Variants in NALCN observed in about 807,000 individuals in gnomAD.
NALCN encodes sodium leak channel NALCN.
NALCN carries 111 observed loss-of-function variants against 225.3 expected under a neutral mutation model. The observed-to-expected ratio is 0.49, with a 90% confidence interval of 0.42 to 0.58. The LOEUF (loss-of-function observed/expected upper bound fraction) is 0.58. NALCN is among the 20% of genes least tolerant of loss of function. The pLI is 0.00. For missense variants in NALCN, 1,378 were observed against 2,202.4 expected (o/e 0.63, Z 7.49); for synonymous variants, 764 against 769.0 (o/e 0.99, Z 0.11).
intron 26 of NALCN, among the ~76,000 whole-genome samples, chr13:101,101,810 T>C (rs9518307): frequency 0.065 from 9,920 of 152,228 alleles, 355 homozygotes; most frequent in South Asian, 0.11. Flanking sequence ...TGAACTGCAC[T>C]GGTTGAATAA....
intron 15 of NALCN, among the ~76,000 whole-genome samples, chr13:101,149,740 T>A (rs552336492): frequency 6.6e-6 from 1 of 152,238 alleles, no homozygotes; most frequent in African/African-American, 2.4e-5. Flanking sequence ...GCTTGAAGGG[T>A]GAGTATTTTG....
At chr13:101,213,993 C>A (rs557082961) in intron 13 of NALCN, among the ~76,000 whole-genome samples, 1 of 152,116 alleles carries the variant, frequency 6.6e-6, no homozygotes, top group African/African-American at 2.4e-5. Flanking sequence ...CACATGCACA[C>A]GTATGTTTAT....
At chr13:101,109,808 T>C (rs567220484) in intron 20 of NALCN, among the ~76,000 whole-genome samples, 2 of 152,314 alleles carry the variant, frequency 1.3e-5, no homozygotes, top group East Asian at 3.9e-4. Context: ...TCCGGGATAA[T>C]GCAGATGGGT....
At chr13:101,317,569 T>C (rs2044595395) in intron 7 of NALCN, among the ~76,000 whole-genome samples, 1 of 152,210 alleles carries the variant, frequency 6.6e-6, no homozygotes. Context: ...GTGATCCACC[T>C]GATCTGGTCA....
chr13:101,353,642 T>C (rs74686866), intron 6 of NALCN, among the ~76,000 whole-genome samples: 4,908 of 152,270 alleles, frequency 0.032, 268 homozygotes, highest in African/African-American at 0.11. Flanking sequence ...CACACCTCTT[T>C]TAATAAACAA....
intron 13 of NALCN, among the ~76,000 whole-genome samples, chr13:101,205,777 A>C (rs1288865839): frequency 1.3e-5 from 2 of 152,118 alleles, no homozygotes; most frequent in East Asian, 3.8e-4. Flanking sequence ...ATGTGCTATA[A>C]AATTGTACAT....
chr13:101,232,606 C>T (rs568283449), intron 12 of NALCN, among the ~76,000 whole-genome samples: 1 of 151,930 alleles, frequency 6.6e-6, no homozygotes, highest in South Asian at 2.1e-4. Context: ...CCACCACACC[C>T]AGCTAATTTT....
At chr13:101,215,424 T>C (rs2040691634) in intron 13 of NALCN, among the ~76,000 whole-genome samples, 1 of 152,160 alleles carries the variant, frequency 6.6e-6, no homozygotes, top group South Asian at 2.1e-4. Flanking sequence ...AACACTCATT[T>C]GTTACTTCAC....
chr13:101,397,438 T>C (rs2047342211), intron 2 of NALCN, among the ~76,000 whole-genome samples: 1 of 150,960 alleles, frequency 6.6e-6, no homozygotes, highest in African/African-American at 2.4e-5. Context: ...ACATGTTATA[T>C]GCATGCACAT....
chr13:101,161,715 T>C lies in NALCN; in HGVS notation c.1839+14585A>G, dbSNP rs552965281. ...GGTGAAACCCCGTCTCTTCTAAAAA[T>C]ATAAAAATTAGCCAGGAGTGGTGGC... On this transcript the variant is annotated intron_variant, in intron 15 of 43. Coordinates refer to ENST00000251127, the MANE Select transcript of NALCN (RefSeq NM_052867.4). Among the ~76,000 whole-genome samples the C allele has an allele frequency of 9.9e-5, 15 of 152,160 alleles. No individual in the cohort carries two copies. The South Asian group carries it at 1.0e-3, about 11-fold the overall frequency.
intron 11 of NALCN, among the ~76,000 whole-genome samples, chr13:101,254,890 CA>C (rs149258180): frequency 0.012 from 443 of 38,474 alleles, 3 homozygotes; most frequent in African/African-American, 0.038. Context: ...GACTCTGTCT[CA>C]AAAAAAAAAA....
intron 1 of NALCN, among the ~76,000 whole-genome samples, chr13:101,415,466 T>C (rs762673359): frequency 6.6e-6 from 1 of 152,070 alleles, no homozygotes; most frequent in Non-Finnish European, 1.5e-5. Flanking sequence ...TACCTGAAAC[T>C]GAAAGATTTA....
intron 6 of NALCN, among the ~76,000 whole-genome samples, chr13:101,355,669 G>C (rs186626637): frequency 6.6e-6 from 1 of 152,232 alleles, no homozygotes; most frequent in East Asian, 1.9e-4. Flanking sequence ...GGATATTCAG[G>C]ACTTGAACTC....
At chr13:101,287,503 T>C (rs996259521) in intron 9 of NALCN, among the ~76,000 whole-genome samples, 2 of 152,222 alleles carry the variant, frequency 1.3e-5, no homozygotes, top group Middle Eastern at 3.2e-3. Flanking sequence ...TTGTCATTTT[T>C]TACATGCAAA....
At chr13:101,081,433 T>C (rs2033643889) in intron 34 of NALCN, 94 bp downstream of exon 34, 1 of 1,566,218 alleles carries the variant, frequency 6.4e-7, no homozygotes, top group South Asian at 1.2e-5. Flanking sequence ...TCAGAGCAGG[T>C]TGATGTGGAG....
intron 11 of NALCN, among the ~76,000 whole-genome samples, chr13:101,245,644 C>A (rs2041872569): frequency 6.6e-6 from 1 of 152,104 alleles, no homozygotes; most frequent in Non-Finnish European, 1.5e-5. Flanking sequence ...AACCGATATA[C>A]CTGGTTTGAT....
intron 7 of NALCN, among the ~76,000 whole-genome samples, chr13:101,301,846 A>C (rs1156380819): frequency 6.6e-6 from 1 of 152,152 alleles, no homozygotes; most frequent in African/African-American, 2.4e-5. Flanking sequence ...TGTGTGAGTC[A>C]GTACACCCTG....
At chr13:101,278,690 G>A (rs1196813539) in intron 10 of NALCN, among the ~76,000 whole-genome samples, 1 of 152,114 alleles carries the variant, frequency 6.6e-6, no homozygotes, top group Non-Finnish European at 1.5e-5. Context: ...GTCCTGCCAA[G>A]GCTCTGCCAC....
At chr13:101,167,099 A>G (rs2038477578) in intron 15 of NALCN, among the ~76,000 whole-genome samples, 1 of 152,136 alleles carries the variant, frequency 6.6e-6, no homozygotes, top group East Asian at 1.9e-4. Flanking sequence ...CCAGTATCAC[A>G]CTGTTTTGAT....
Sources: allele counts gnomAD v4.1 joint callset (sites outside exome capture counted in the v4.1 genomes callset), GRCh38; gene constraint gnomAD v4.1.1; transcripts MANE v1.5; gene names NCBI Gene and HGNC (gene_info 2026-07-23, HGNC 2026-07-21).